IL23R: variants seen among roughly 807,000 people sequenced by gnomAD.
IL23R encodes the protein interleukin-23 receptor.
IL23R carries 34 observed loss-of-function variants against 56.9 expected under a neutral mutation model. The observed-to-expected ratio is 0.60, with a 90% CI of 0.45 to 0.80. The LOEUF is 0.80. Ranked by LOEUF, IL23R falls within the 30% of genes least tolerant of loss-of-function variation. IL23R has a pLI of 0.00. For synonymous variants in IL23R, 230 were observed against 249.2 expected, an observed-to-expected ratio of 0.92 and a Z score of 0.73; for missense variants, 635 against 730.0, an observed-to-expected ratio of 0.87 and a Z score of 1.50.
chr1:67,206,662 G>A (rs999030299), intron 5 of IL23R, among the ~76,000 whole-genome samples: 3 of 151,682 alleles, frequency 2.0e-5, no homozygotes, highest in Non-Finnish European at 2.9e-5. Flanking sequence ...GGGAAAGACA[G>A]GACTATTAGA....
intron 1 of IL23R, among the ~76,000 whole-genome samples, chr1:67,155,445 G>C (rs1380005246): frequency 4.6e-5 from 7 of 152,130 alleles, no homozygotes; most frequent in Non-Finnish European, 4.4e-5. Flanking sequence ...CATAGGTTCG[G>C]TCTTCTTACA....
At chr1:67,172,164 C>T (rs1170250424) in intron 3 of IL23R, among the ~76,000 whole-genome samples, 2 of 152,120 alleles carry the variant, frequency 1.3e-5, no homozygotes, top group African/African-American at 4.8e-5. Context: ...AACAAAACTT[C>T]CTATTTAAGT....
At chr1:67,241,860 C>G (rs1237249026) in intron 9 of IL23R, among the ~76,000 whole-genome samples, 1 of 152,142 alleles carries the variant, frequency 6.6e-6, no homozygotes. Context: ...AAAGAATGAG[C>G]TACATGAAGA....
intron 8 of IL23R, among the ~76,000 whole-genome samples, chr1:67,238,885 C>T (rs954831223): frequency 6.6e-6 from 1 of 152,164 alleles, no homozygotes; most frequent in African/African-American, 2.4e-5. Context: ...GCTAGAGTTA[C>T]TCAGACTCCT....
downstream of IL23R, among the ~76,000 whole-genome samples, chr1:67,261,317 C>CG (rs1163641073): frequency 2.3e-5 from 3 of 131,612 alleles, no homozygotes; most frequent in African/African-American, 8.3e-5. Context: ...AGAAATTTAT[C>CG]TTTTTTTTTT....
At chr1:67,168,070 A>G in intron 1 of IL23R, 22 bp from the exon 2 acceptor site, 1 of 1,280,200 alleles carries the variant, frequency 7.8e-7, no homozygotes, top group Middle Eastern at 1.8e-4. Flanking sequence ...CAATTTAAAC[A>G]TTTTTCATAT....
At chr1:67,189,811 T>C (rs570702087) in intron 4 of IL23R, among the ~76,000 whole-genome samples, 1 of 152,138 alleles carries the variant, frequency 6.6e-6, no homozygotes, top group South Asian at 2.1e-4. Context: ...ATACAAAAAC[T>C]AGCCAGGCGT....
chr1:67,219,878 C>T, intron 7 of IL23R, 148 bp downstream of exon 7: 1 of 742,334 alleles, frequency 1.3e-6, no homozygotes. Context: ...CTGGCCTGGG[C>T]AACATAGTGA....
At chr1:67,138,670 C>T (rs751794420), upstream of IL23R, among the ~76,000 whole-genome samples, 2 of 152,190 alleles carry the variant, frequency 1.3e-5, no homozygotes, top group Non-Finnish European at 2.9e-5. Flanking sequence ...GATTGTCTTT[C>T]TAGCTTTATC....
chr1:67,228,383 A>G (rs1223845505), intron 7 of IL23R, among the ~76,000 whole-genome samples: 2 of 41,520 alleles, frequency 4.8e-5, no homozygotes, highest in East Asian at 0.019. Flanking sequence ...TTTTTTGTAG[A>G]GACAGGGTTT....
At chr1:67,217,601 C>T (rs1649931840) in intron 6 of IL23R, among the ~76,000 whole-genome samples, 1 of 151,778 alleles carries the variant, frequency 6.6e-6, no homozygotes, top group African/African-American at 2.4e-5. Flanking sequence ...TTCTCTAGAT[C>T]CCAGGAGACC....
At chr1:67,234,139 C>A (rs908239386) in intron 7 of IL23R, among the ~76,000 whole-genome samples, 1 of 151,998 alleles carries the variant, frequency 6.6e-6, no homozygotes, top group African/African-American at 2.4e-5. Flanking sequence ...CTTTTACAGT[C>A]AAAGATGTTA....
chr1:67,183,350 C>A (rs1219187891), intron 4 of IL23R, among the ~76,000 whole-genome samples: 1 of 152,088 alleles, frequency 6.6e-6, no homozygotes, highest in Non-Finnish European at 1.5e-5. Flanking sequence ...GCCTGGCCAA[C>A]ATGGTGAAAC....
intron 5 of IL23R, among the ~76,000 whole-genome samples, chr1:67,203,386 A>C (rs1025507842): frequency 1.3e-5 from 2 of 152,052 alleles, no homozygotes; most frequent in African/African-American, 4.8e-5. Flanking sequence ...AAAGGAAAAA[A>C]TCCCATCTGG....
At chr1:67,197,095 C>T (rs1172421401) in intron 4 of IL23R, among the ~76,000 whole-genome samples, 1 of 152,144 alleles carries the variant, frequency 6.6e-6, no homozygotes, top group Non-Finnish European at 1.5e-5. Context: ...CAGGGCTGAC[C>T]TTCAATGTGA....
chr1:67,254,364 C>T (rs71639471), intron 9 of IL23R, among the ~76,000 whole-genome samples: 326 of 151,778 alleles, frequency 2.1e-3, no homozygotes, highest in Non-Finnish European at 3.5e-3. Context: ...CCAACATGCC[C>T]GGCCCAAAAC....
intron 10 of IL23R, 106 bp from the exon 11 acceptor site, chr1:67,258,372 G>T: frequency 4.0e-6 from 3 of 748,750 alleles, no homozygotes; most frequent in Non-Finnish European, 6.5e-6. Flanking sequence ...GAAAATGGAG[G>T]GAGAAAGGAA....
chr1:67,219,690 G>C lies in IL23R; in HGVS notation c.915G>C (p.Gln305His). 1 of 1,614,026 alleles carries C rather than the reference G, an allele frequency of 6.2e-7. No homozygotes were observed. Among genetic ancestry groups the C allele is most frequent in the Non-Finnish European group, 8.5e-7 (1 of 1,179,902 alleles). Residue 305 changes from glutamine to histidine, a missense_variant, in exon 7 of 11, where the codon CAG becomes CAC. Gln to His is a conservative substitution (Grantham distance 24). Coordinates refer to ENST00000347310, the MANE Select transcript of IL23R (RefSeq NM_144701.3). The stretch of plus-strand genomic sequence containing the variant: ...AAGAAACAGGCAAAAGGTACTGGCA[G>C]CCTTGGAGTTCACTGTTTTTTCATA... ...RCQETGKRYW[Q>H]PWSSLFFHKT...
At chr1:67,244,743 C>T (rs1005972779) in intron 9 of IL23R, among the ~76,000 whole-genome samples, 2 of 152,120 alleles carry the variant, frequency 1.3e-5, no homozygotes, top group Admixed American at 1.3e-4. Flanking sequence ...AGTCAGATAG[C>T]GTGATGCCTC....
Sources: gnomAD v4.1 joint callset for allele counts (sites outside exome capture counted in the v4.1 genomes callset) on GRCh38, gnomAD v4.1.1 for gene constraint, MANE v1.5 for transcripts, NCBI Gene and HGNC (gene_info 2026-07-23, HGNC 2026-07-21) for gene names.